Variants in ADD3 observed in about 807,000 individuals in gnomAD.
ADD3 encodes the protein gamma-adducin.
A neutral mutation model predicts 80.2 loss-of-function variants in ADD3; 25 were observed. That is an observed-to-expected ratio of 0.31 (90% CI 0.23 to 0.44). The LOEUF (loss-of-function observed/expected upper bound fraction) is 0.44. ADD3 is among the 20% of genes least tolerant of loss of function. The probability of loss-of-function intolerance (pLI) is 1.00; values close to 1 mark genes in which losing one functional copy is unlikely to be tolerated. For synonymous variants in ADD3, 284 were observed against 289.6 expected, an observed-to-expected ratio of 0.98 and a Z score of 0.20; for missense variants, 829 against 847.5, an observed-to-expected ratio of 0.98 and a Z score of 0.27.
chr10:110,112,048 T>C (rs1850097438), intron 2 of ADD3: 1 of 152,232 alleles, frequency 6.6e-6, no homozygotes, highest in East Asian at 1.9e-4. Context: ...GAAATTATTT[T>C]AGTATGTCTC....
chr10:110,007,760 G>C (rs902768667), upstream of ADD3, among the ~76,000 whole-genome samples: 1 of 151,592 alleles, frequency 6.6e-6, no homozygotes, highest in African/African-American at 2.4e-5. Flanking sequence ...GACTCCCGAG[G>C]GGCGCTCGGG....
intron 3 of ADD3, 21 bp from the exon 4 acceptor site, chr10:110,116,238 C>T (rs376116021): frequency 9.1e-5 from 147 of 1,612,218 alleles, no homozygotes; most frequent in Non-Finnish European, 1.2e-4. Flanking sequence ...GTATCTCTCT[C>T]CACATTTTTT....
intron 1 of ADD3, among the ~76,000 whole-genome samples, chr10:110,090,195 A>C (rs1417900791): frequency 2.0e-5 from 3 of 149,918 alleles, no homozygotes; most frequent in Non-Finnish European, 3.0e-5. Flanking sequence ...GATTATGTTG[A>C]TATAACAAGC....
intron 1 of ADD3, among the ~76,000 whole-genome samples, chr10:110,035,205 T>C (rs920787032): frequency 6.6e-6 from 1 of 152,164 alleles, no homozygotes; most frequent in African/African-American, 2.4e-5. Context: ...GTCCTTAGGG[T>C]TTCATTAGAT....
intron 1 of ADD3, among the ~76,000 whole-genome samples, chr10:110,096,635 C>A (rs1848196025): frequency 6.6e-6 from 1 of 152,044 alleles, no homozygotes; most frequent in Non-Finnish European, 1.5e-5. Flanking sequence ...GACAGCTGGG[C>A]CTCTTTCTCC....
chr10:110,134,766 A>G lies in ADD3; in HGVS notation c.*1148A>G, dbSNP rs1554848231. 1.3e-5 allele frequency: 2 copies of G among 152,720 alleles called. No individual in the cohort carries two copies. Among genetic ancestry groups the G allele is most frequent in the East Asian group, 1.9e-4 (1 of 5,188 alleles). 9.5% of individuals were successfully genotyped at this position (152,720 alleles called of 1,614,324 possible). A position where few individuals can be genotyped will look rare whatever the true frequency, so the allele number is the denominator to read the frequency against. On this transcript the variant is annotated 3_prime_UTR_variant, in exon 15 of 15. Coordinates refer to ENST00000356080, the MANE Select transcript of ADD3 (RefSeq NM_016824.5). ...AAATTCTGCTTCTCTGCCAAAAGCAATGTCTTTCTTGGTTGATATTTGAGT... is the reference window on the plus strand; with the variant it reads ...AAATTCTGCTTCTCTGCCAAAAGCAGTGTCTTTCTTGGTTGATATTTGAGT...
At chr10:110,020,966 A>C (rs1853604667) in intron 1 of ADD3, among the ~76,000 whole-genome samples, 1 of 152,112 alleles carries the variant, frequency 6.6e-6, no homozygotes, top group Non-Finnish European at 1.5e-5. Context: ...ATCTATTTGC[A>C]AGTTGCTATG....
chr10:110,112,837 A>G lies in ADD3; in HGVS notation c.256A>G (p.Thr86Ala), dbSNP rs1215012809. 5.6e-6 allele frequency: 9 copies of G among 1,613,922 alleles called. No individual in the cohort carries two copies. The highest frequency in any genetic ancestry group is 3.3e-5 in the Admixed American group (2 of 59,986). Reference sequence around the variant, plus strand: ...ACAGATGAAGAAAGGCCACAACCCAACTGGATTACTAGCATTACAGCAGAT... The same window carrying G: ...ACAGATGAAGAAAGGCCACAACCCAGCTGGATTACTAGCATTACAGCAGAT... ...QEQMKKGHNP[T>A]GLLALQQIAD... is the part of the protein sequence containing the mutation. Residue 86 changes from threonine (T) to alanine (A), a missense_variant, in exon 3 of 15, where the codon ACT becomes GCT. Thr to Ala is a moderately conservative substitution (Grantham distance 58). Transcript: ENST00000356080.
intron 1 of ADD3, among the ~76,000 whole-genome samples, chr10:110,087,956 C>T (rs1847005887): frequency 6.6e-6 from 1 of 152,104 alleles, no homozygotes; most frequent in African/African-American, 2.4e-5. Context: ...ATTCCATGCC[C>T]CTCCCCGGGC....
chr10:110,035,941 A>G (rs1855586924), intron 1 of ADD3, among the ~76,000 whole-genome samples: 2 of 152,122 alleles, frequency 1.3e-5, no homozygotes, highest in Admixed American at 1.3e-4. Flanking sequence ...ACCTGAGGTC[A>G]GGAGTTCGAG....
rs775680437 is a variant in ADD3 at position 110,126,421 on chromosome 10, G to A, written c.1526G>A (p.Arg509Gln). The change falls in exon 12 of 15, where the codon CGG becomes CAG. Residue 509 changes from arginine to glutamine, a missense_variant. Physicochemically the swap from Arg to Gln is conservative, Grantham distance 43 (BLOSUM62 1). Coordinates refer to ENST00000356080, the MANE Select transcript of ADD3 (RefSeq NM_016824.5). ...TTGAATTGTTTTTCAATTCAGATTC[G>A]GGAACAAAATCGATATGACTTGAAA... ...NEVLEKRNKI[R>Q]EQNRYDLKTA... The A allele has an allele frequency of 4.3e-6, 7 of 1,612,688 alleles. No individual in the cohort carries two copies. Among genetic ancestry groups the A allele is most frequent in the East Asian group, 2.2e-5 (1 of 44,846 alleles).
chr10:110,037,583 C>T (rs139617948), intron 1 of ADD3, among the ~76,000 whole-genome samples: 1,513 of 133,174 alleles, frequency 0.011, 28 homozygotes, highest in African/African-American at 0.042. Flanking sequence ...CTAGCCTGGG[C>T]GACAGGGCAA....
At chr10:110,034,717 ATT>A in intron 1 of ADD3, among the ~76,000 whole-genome samples, 1 of 152,274 alleles carries the variant, frequency 6.6e-6, no homozygotes, top group Middle Eastern at 3.4e-3. Flanking sequence ...GGTTTTAAAC[ATT>A]TCTTTGCTTT....
At chr10:110,040,939 T>G (rs1316238526) in intron 1 of ADD3, among the ~76,000 whole-genome samples, 1 of 102,444 alleles carries the variant, frequency 9.8e-6, no homozygotes, top group Non-Finnish European at 2.1e-5. Context: ...GCTCTCTCTC[T>G]CTCTCGCTCT....
At chr10:110,024,190 T>C (rs1854013084) in intron 1 of ADD3, among the ~76,000 whole-genome samples, 1 of 152,242 alleles carries the variant, frequency 6.6e-6, no homozygotes, top group Admixed American at 6.5e-5. Flanking sequence ...AACAGAACTT[T>C]TGTGCAATGG....
chr10:110,074,601 G>A (rs541511922), intron 1 of ADD3, among the ~76,000 whole-genome samples: 1 of 151,596 alleles, frequency 6.6e-6, no homozygotes, highest in South Asian at 2.1e-4. Context: ...CTTAAACAAA[G>A]CTAAAATATG....
chr10:110,096,077 A>G (rs544401173), intron 1 of ADD3, among the ~76,000 whole-genome samples: 3 of 152,250 alleles, frequency 2.0e-5, no homozygotes, highest in East Asian at 1.9e-4. Context: ...TAGTTTTGCA[A>G]TGTGTTGCCA....
rs13306102 is a variant in ADD3, at chr10:110,133,501, C to T, written c.2004C>T (p.Ile668=). 1.3e-4 allele frequency: 215 copies of T among 1,613,348 alleles called. No individual in the cohort carries two copies. Among genetic ancestry groups the T allele is most frequent in the Non-Finnish European group, 1.6e-4 (189 of 1,179,676 alleles). Residue 668 remains isoleucine, a synonymous_variant, in exon 15 of 15, where the codon ATC becomes ATT. Coordinates refer to ENST00000356080, the MANE Select transcript of ADD3 (RefSeq NM_016824.5). ...TTACTATTAAGTCTCCAGAGAAAATCGAAGAAGTCCTGTCACCTGAAGGCT... is the reference window on the plus strand; with the variant it reads ...TTACTATTAAGTCTCCAGAGAAAATTGAAGAAGTCCTGTCACCTGAAGGCT... ...IEITIKSPEK[I]EEVLSPEGSP...
chr10:110,080,239 G>T (rs1175014157), intron 1 of ADD3, among the ~76,000 whole-genome samples: 1 of 152,190 alleles, frequency 6.6e-6, no homozygotes, highest in East Asian at 1.9e-4. Context: ...TGGTATTGGG[G>T]TGGGTCACCT....
Sources: allele counts gnomAD v4.1 joint callset (sites outside exome capture counted in the v4.1 genomes callset), GRCh38; gene constraint gnomAD v4.1.1; transcripts MANE v1.5; gene names NCBI Gene and HGNC (gene_info 2026-07-23, HGNC 2026-07-21).